The following PTPRD variants were observed in gnomAD, a reference collection of about 807,000 sequenced individuals.
PTPRD encodes protein tyrosine phosphatase receptor type D, also known as receptor-type tyrosine-protein phosphatase delta.
Under a neutral mutation model 214.5 loss-of-function variants are expected in PTPRD, and 34 were observed. The ratio of observed to expected loss-of-function variants is 0.16; its 90% CI spans 0.12 to 0.21. The LOEUF (loss-of-function observed/expected upper bound fraction) is 0.21. Among genes scored for constraint, PTPRD ranks in the 10% least tolerant of loss-of-function variants. The pLI is 1.00. For synonymous variants in PTPRD, 1,128 were observed against 845.7 expected, an observed-to-expected ratio of 1.33 and a Z score of -5.79; for missense variants, 2,545 against 2,398.7, an observed-to-expected ratio of 1.06 and a Z score of -1.27.
At chr9:9,352,485 G>C (rs2051790649) in intron 9 of PTPRD, among the ~76,000 whole-genome samples, 1 of 151,570 alleles carries the variant, frequency 6.6e-6, no homozygotes. Context: ...AACAAAATCT[G>C]CCTCATTTGT....
intron 8 of PTPRD, among the ~76,000 whole-genome samples, chr9:9,397,798 C>G (rs533418364): frequency 6.6e-6 from 1 of 152,068 alleles, no homozygotes; most frequent in African/African-American, 2.4e-5. Context: ...AGAGTCATCT[C>G]TTTAATACAA....
chr9:9,896,273 C>CG (rs1055512902), intron 5 of PTPRD, among the ~76,000 whole-genome samples: 5 of 151,890 alleles, frequency 3.3e-5, no homozygotes, highest in African/African-American at 1.2e-4. Context: ...TGAAAGACTT[C>CG]GGAAAGTTTT....
intron 5 of PTPRD, among the ~76,000 whole-genome samples, chr9:9,915,220 T>C (rs2080375086): frequency 6.6e-6 from 1 of 152,134 alleles, no homozygotes; most frequent in African/African-American, 2.4e-5. Context: ...CCAAGACCCA[T>C]TCGTATGAAC....
chr9:10,466,295 G>C (rs568516790), intron 2 of PTPRD, among the ~76,000 whole-genome samples: 4 of 152,226 alleles, frequency 2.6e-5, no homozygotes, highest in African/African-American at 4.8e-5. Flanking sequence ...AGACTTCACT[G>C]CTTCTCTCTC....
At chr9:8,782,422 T>C (rs1318615083) in intron 11 of PTPRD, among the ~76,000 whole-genome samples, 1 of 152,188 alleles carries the variant, frequency 6.6e-6, no homozygotes. Flanking sequence ...GTCACCATGT[T>C]GTGCAATACA....
chr9:9,863,985 G>C (rs566181016), intron 5 of PTPRD, among the ~76,000 whole-genome samples: 1 of 152,118 alleles, frequency 6.6e-6, no homozygotes, highest in Non-Finnish European at 1.5e-5. Context: ...ATATCCAAAA[G>C]ATTGTTCCAT....
In PTPRD at chr9:9,099,417, A is replaced by G. The variant is rs537670602; in HGVS notation, c.-142-80682T>C. ...GTATTGCTAATCATGTTTGTCTTGA[A>G]TAAGTGTCTGTGGACTGTATCAGTC... On this transcript the variant is annotated intron_variant, in intron 10 of 45. Coordinates refer to ENST00000381196, the MANE Select transcript of PTPRD (RefSeq NM_002839.4). 1.1e-4 allele frequency among the ~76,000 whole-genome samples: 17 copies of G among 152,294 alleles called. 1 individual carries two copies. The South Asian group carries it at 3.1e-3, about 28-fold the overall frequency.
At chr9:8,556,167 A>G (rs1196785107) in intron 14 of PTPRD, among the ~76,000 whole-genome samples, 2 of 152,214 alleles carry the variant, frequency 1.3e-5, no homozygotes, top group Admixed American at 1.3e-4. Context: ...CTAAAAATTT[A>G]TTCAAAGGTC....
In PTPRD at chr9:9,894,569, A is replaced by G. The variant is rs564110977; in HGVS notation, c.-368+43938T>C. Among the ~76,000 whole-genome samples, 4 of 152,088 alleles carry G rather than the reference A, an allele frequency of 2.6e-5. No homozygotes were observed. In the East Asian group the frequency reaches 7.7e-4, roughly 29 times the overall value. On this transcript the variant is annotated intron_variant, in intron 5 of 45. Coordinates refer to ENST00000381196, the MANE Select transcript of PTPRD (RefSeq NM_002839.4). ...ACTCATTTTTGCATTGCAGTTCAGC[A>G]CCATCATTTTTTCACAACTTTTTCA...
intron 14 of PTPRD, among the ~76,000 whole-genome samples, chr9:8,580,781 C>T (rs763324672): frequency 6.6e-6 from 1 of 152,080 alleles, no homozygotes; most frequent in East Asian, 1.9e-4. Flanking sequence ...CGCACACATA[C>T]ACACACACAC....
At chr9:8,481,654 A>G (rs1244694709) in intron 30 of PTPRD, among the ~76,000 whole-genome samples, 1 of 152,052 alleles carries the variant, frequency 6.6e-6, no homozygotes, top group Non-Finnish European at 1.5e-5. Context: ...TCTTCTTCCT[A>G]TTAACGGAGA....
chr9:9,917,065 T>C lies in PTPRD; in HGVS notation c.-368+21442A>G, dbSNP rs186528210. ...CCTATGGAATGCAGCAAAAGTAGTATTAAGAGGCAAGTATATATCAATAAA... is the reference window on the plus strand; with the variant it reads ...CCTATGGAATGCAGCAAAAGTAGTACTAAGAGGCAAGTATATATCAATAAA... On this transcript the variant is annotated intron_variant, in intron 5 of 45. Coordinates refer to ENST00000381196, the MANE Select transcript of PTPRD (RefSeq NM_002839.4). Among the ~76,000 whole-genome samples the C allele has an allele frequency of 2.0e-5, 3 of 150,892 alleles. No individual in the cohort carries two copies. The East Asian group carries it at 5.9e-4, about 30-fold the overall frequency.
intron 2 of PTPRD, among the ~76,000 whole-genome samples, chr9:10,493,273 A>T (rs891228218): frequency 6.6e-6 from 1 of 152,172 alleles, no homozygotes; most frequent in Non-Finnish European, 1.5e-5. Context: ...GAACCAAAAA[A>T]AGAACCTGTA....
Position 10,403,301 on chromosome 9 carries a change from A to G in PTPRD, c.-599-62284T>C, listed in dbSNP as rs537444871. ...GATCAATTTCCTAAGGTCAGTCTTG[A>G]TATTTTAAAAAGTTGTAAAGATTGA... On this transcript the variant is annotated intron_variant, in intron 2 of 45. Transcript: ENST00000381196. Among the ~76,000 whole-genome samples the G allele has an allele frequency of 2.6e-3, 362 of 141,372 alleles. 1 individual carries two copies. Among genetic ancestry groups the G allele is most frequent in the African/African-American group, 8.6e-3 (335 of 38,836 alleles). The allele number at this position is 141,372 out of a possible 152,430, so 92.7% of individuals were successfully genotyped here.
chr9:9,628,249 C>T (rs989696639), intron 7 of PTPRD, among the ~76,000 whole-genome samples: 19 of 152,290 alleles, frequency 1.2e-4, no homozygotes, highest in African/African-American at 4.6e-4. Flanking sequence ...TGTGTGATAA[C>T]TCCTGCGTCC....
At chr9:9,845,115 T>C (rs1213607838) in intron 5 of PTPRD, among the ~76,000 whole-genome samples, 2 of 88,854 alleles carry the variant, frequency 2.3e-5, no homozygotes, top group African/African-American at 4.5e-5. Flanking sequence ...GCTATATATA[T>C]TGCTCTATAT....
At chr9:9,945,266 G>A (rs751362411) in intron 4 of PTPRD, among the ~76,000 whole-genome samples, 7 of 151,998 alleles carry the variant, frequency 4.6e-5, no homozygotes, top group African/African-American at 9.7e-5. Context: ...CTGAGATTAC[G>A]GAGAAAATAT....
At chr9:8,820,127 C>T (rs889626616) in intron 11 of PTPRD, among the ~76,000 whole-genome samples, 1 of 152,120 alleles carries the variant, frequency 6.6e-6, no homozygotes, top group Non-Finnish European at 1.5e-5. Context: ...TATTTGCTAA[C>T]ACTTTCTATA....
intron 2 of PTPRD, among the ~76,000 whole-genome samples, chr9:10,405,781 G>T (rs2098344527): frequency 6.6e-6 from 1 of 151,344 alleles, no homozygotes. Flanking sequence ...AGATGGTTTG[G>T]TGAAGCCTAA....
Sources: gnomAD v4.1 joint callset for allele counts (sites outside exome capture counted in the v4.1 genomes callset) on GRCh38, gnomAD v4.1.1 for gene constraint, MANE v1.5 for transcripts, NCBI Gene and HGNC (gene_info 2026-07-23, HGNC 2026-07-21) for gene names.